The following ACER3 variants were observed in gnomAD, a reference collection of about 807,000 sequenced individuals.
ACER3 encodes the protein alkaline ceramidase 3, also known as alkCDase 3.
ACER3 carries 16 observed loss-of-function variants against 48.9 expected under a neutral mutation model. That is an observed-to-expected ratio of 0.33 (90% CI 0.22 to 0.50). The LOEUF (loss-of-function observed/expected upper bound fraction) is 0.50. Among genes scored for constraint, ACER3 ranks in the 20% least tolerant of loss-of-function variants. ACER3 has a pLI of 0.98. For synonymous variants in ACER3, 109 were observed against 107.8 expected (o/e 1.01, Z -0.07); for missense variants, 227 against 326.0 (o/e 0.70, Z 2.34).
chr11:76,910,009 C>G (rs994114913), intron 1 of ACER3, among the ~76,000 whole-genome samples: 1 of 151,732 alleles, frequency 6.6e-6, no homozygotes, highest in Non-Finnish European at 1.5e-5. Flanking sequence ...TCTCAGCAAA[C>G]TAGCACAGGA....
In ACER3 at chr11:76,926,600, C is replaced by T. The variant is rs776464379; in HGVS notation, c.147C>T (p.Phe49=). 1.1e-4 allele frequency: 169 copies of T among 1,608,836 alleles called. 1 individual carries two copies. The Admixed American group carries it at 2.4e-3, about 23-fold the overall frequency. ...TGATCATGATTATACCTCCAATGTT[C>T]GGTGCAGTTCAGAGTGTTAGAGACG... The part of the protein sequence containing the change: ...SNLIMIIPPM[F]GAVQSVRDGL... The change falls in exon 2 of 11, where the codon TTC becomes TTT. Residue 49 remains phenylalanine, a synonymous_variant. Coordinates refer to ENST00000532485, the MANE Select transcript of ACER3 (RefSeq NM_018367.7).
At chr11:76,871,973 A>G (rs1365500582) in intron 1 of ACER3, among the ~76,000 whole-genome samples, 1 of 152,086 alleles carries the variant, frequency 6.6e-6, no homozygotes, top group African/African-American at 2.4e-5. Flanking sequence ...ATGCTGGTCA[A>G]TTGTGTGCCT....
At chr11:76,928,089 T>G (rs1946880421) in intron 2 of ACER3, among the ~76,000 whole-genome samples, 1 of 152,116 alleles carries the variant, frequency 6.6e-6, no homozygotes, top group African/African-American at 2.4e-5. Flanking sequence ...AGTATAAAAG[T>G]GTTCCTATTT....
chr11:76,961,742 G>A (rs1024619551), intron 3 of ACER3, among the ~76,000 whole-genome samples: 5 of 148,870 alleles, frequency 3.4e-5, no homozygotes, highest in Non-Finnish European at 5.9e-5. Context: ...AATGTAACCC[G>A]ATGAGTAATA....
rs1295807205 is a variant in ACER3, at chr11:76,867,571, G to A, written c.103+6492G>A. Among the ~76,000 whole-genome samples, 4 of 151,270 alleles carry A rather than the reference G, an allele frequency of 2.6e-5. No individual in the cohort carries two copies. The East Asian group carries it at 7.7e-4, about 29-fold the overall frequency. ...AAACAGGCACATTTGTTTCTTTCAG[G>A]TGAAATGCATTCCCAAAAACATATT... On this transcript the variant is annotated intron_variant, in intron 1 of 10. Coordinates refer to ENST00000532485, the MANE Select transcript of ACER3 (RefSeq NM_018367.7).
intron 1 of ACER3, among the ~76,000 whole-genome samples, chr11:76,908,621 T>G (rs1301637729): frequency 6.6e-6 from 1 of 152,118 alleles, no homozygotes; most frequent in African/African-American, 2.4e-5. Context: ...TGGAAAAACA[T>G]TCCATGCTCA....
chr11:76,889,709 TG>T (rs1182224565), intron 1 of ACER3, among the ~76,000 whole-genome samples: 2 of 152,242 alleles, frequency 1.3e-5, no homozygotes, highest in Admixed American at 1.3e-4. Flanking sequence ...CATACATTAT[TG>T]TCTTTGTCTG....
At chr11:76,883,754 T>G (rs1945598772) in intron 1 of ACER3, among the ~76,000 whole-genome samples, 1 of 152,276 alleles carries the variant, frequency 6.6e-6, no homozygotes, top group African/African-American at 2.4e-5. Flanking sequence ...ATTTTCTTGC[T>G]TTTTAACTTG....
chr11:76,933,189 T>G (rs1947060819), intron 2 of ACER3, among the ~76,000 whole-genome samples: 2 of 147,446 alleles, frequency 1.4e-5, no homozygotes, highest in African/African-American at 4.9e-5. Flanking sequence ...TATATATATA[T>G]ATATGAAACT....
intron 1 of ACER3, among the ~76,000 whole-genome samples, chr11:76,915,369 G>A (rs559832270): frequency 2.6e-5 from 4 of 151,906 alleles, no homozygotes; most frequent in South Asian, 2.1e-4. Context: ...TTGAGCACGC[G>A]CAGTGTGTTC....
chr11:76,958,595 A>G lies in ACER3; in HGVS notation c.215-384A>G, dbSNP rs1590990844. The stretch of plus-strand genomic sequence containing the variant: ...GATAACCAAATACAATGGCATCAAC[A>G]AGTTCAGGAACAAACTGACTGGCTC... On this transcript the variant is annotated intron_variant, in intron 2 of 10. Transcript: ENST00000532485. Among the ~76,000 whole-genome samples the G allele has an allele frequency of 2.0e-5, 3 of 152,338 alleles. No homozygotes were observed. The South Asian group carries it at 6.2e-4, about 32-fold the overall frequency.
chr11:77,017,064 G>C (rs1488944716), intron 9 of ACER3, among the ~76,000 whole-genome samples: 1 of 152,058 alleles, frequency 6.6e-6, no homozygotes, highest in Non-Finnish European at 1.5e-5. Context: ...AAAAGGAAGA[G>C]AGATCTCAAT....
At chr11:76,947,728 TGTG>T (rs1947513456) in intron 2 of ACER3, among the ~76,000 whole-genome samples, 1 of 152,158 alleles carries the variant, frequency 6.6e-6, no homozygotes, top group Non-Finnish European at 1.5e-5. Context: ...TGAAGAAAAA[TGTG>T]GGGAAAGCAA....
chr11:76,914,486 C>T (rs1239204073), intron 1 of ACER3, among the ~76,000 whole-genome samples: 1 of 152,142 alleles, frequency 6.6e-6, no homozygotes. Context: ...AAATCAAAAC[C>T]ACAATGAGAT....
At chr11:76,995,737 G>T (rs1190070108) in intron 6 of ACER3, among the ~76,000 whole-genome samples, 2 of 152,090 alleles carry the variant, frequency 1.3e-5, no homozygotes, top group East Asian at 3.9e-4. Context: ...GCCACTAGCA[G>T]TGGGGAGCAT....
intron 1 of ACER3, chr11:76,868,351 T>A: frequency 2.6e-6 from 3 of 1,168,360 alleles, no homozygotes; most frequent in Non-Finnish European, 2.2e-6. Flanking sequence ...ACAAATTGAG[T>A]GTACAAAAGA....
At chr11:76,920,451 G>A (rs1946655830) in intron 1 of ACER3, among the ~76,000 whole-genome samples, 2 of 152,026 alleles carry the variant, frequency 1.3e-5, no homozygotes, top group African/African-American at 4.8e-5. Flanking sequence ...TCTCAGCCTT[G>A]GGGAAACCTC....
At chr11:76,893,752 T>A (rs553465732) in intron 1 of ACER3, among the ~76,000 whole-genome samples, 7 of 152,266 alleles carry the variant, frequency 4.6e-5, no homozygotes, top group Non-Finnish European at 8.8e-5. Flanking sequence ...ATATACATTT[T>A]GGTTAATGGC....
chr11:76,892,666 A>T (rs1295844393), intron 1 of ACER3, among the ~76,000 whole-genome samples: 1 of 152,196 alleles, frequency 6.6e-6, no homozygotes, highest in Non-Finnish European at 1.5e-5. Context: ...AGCATAATTC[A>T]TTTGAGAGAT....
Sources: gnomAD v4.1 joint callset for allele counts (sites outside exome capture counted in the v4.1 genomes callset) on GRCh38, gnomAD v4.1.1 for gene constraint, MANE v1.5 for transcripts, NCBI Gene and HGNC (gene_info 2026-07-23, HGNC 2026-07-21) for gene names.